PIP4P1: variants seen among roughly 807,000 people sequenced by gnomAD.
The protein encoded by PIP4P1 is phosphatidylinositol-4,5-bisphosphate 4-phosphatase 1, also known as type 1 phosphatidylinositol 4,5-bisphosphate 4-phosphatase.
Under a neutral mutation model 32.3 loss-of-function variants are expected in PIP4P1, and 14 were observed. The ratio of observed to expected loss-of-function variants is 0.43; its 90% CI spans 0.29 to 0.68. The LOEUF (loss-of-function observed/expected upper bound fraction) is 0.68, where lower values mean the gene tolerates loss of function less well. Ranked by LOEUF, PIP4P1 falls within the 30% of genes least tolerant of loss-of-function variation. The pLI is 0.15. For synonymous variants in PIP4P1, 132 were observed against 137.9 expected (o/e 0.96, Z 0.30); for missense variants, 289 against 364.5 (o/e 0.79, Z 1.69).
chr14:20,460,552 T>C lies in PIP4P1; in HGVS notation c.333+103A>G, dbSNP rs1881661935. 3.9e-6 allele frequency: 5 copies of C among 1,280,298 alleles called. 1 individual carries two copies. Among genetic ancestry groups the C allele is most frequent in the Non-Finnish European group, 5.4e-6 (5 of 926,538 alleles). 79.3% of individuals were successfully genotyped at this position (1,280,298 alleles called of 1,614,324 possible). ...ACCTGGAACTGAAACCTGGGTATCA[T>C]CAAAAGCACTTGGCTAATAGCCGGA... On this transcript the variant is annotated intron_variant, in intron 2 of 6. Transcript: ENST00000250489.
At position 20,459,288 on chromosome 14, in the gene PIP4P1, A is replaced by G. The variant is rs750883459; in HGVS notation, c.608T>C (p.Ile203Thr). 9 of 1,614,238 alleles carry G rather than the reference A, an allele frequency of 5.6e-6. No individual in the cohort carries two copies. The highest frequency in any genetic ancestry group is 2.2e-5 in the East Asian group (1 of 44,884). ...TCTCTTACGTGGGTATCTGCGCCCAATAGATGACCTGTGGGGAGGCAAATA... is the reference window on the plus strand; with the variant it reads ...TCTCTTACGTGGGTATCTGCGCCCAGTAGATGACCTGTGGGGAGGCAAATA... Reference protein sequence around the residue: ...RCPHCRKVSSIGRRYPRKRCI... With the variant: ...RCPHCRKVSSTGRRYPRKRCI... Residue 203 changes from isoleucine to threonine, a missense_variant, in exon 6 of 7, where the codon ATT (isoleucine) becomes ACT (threonine). Ile to Thr is a moderately conservative substitution (Grantham distance 89). Coordinates refer to ENST00000250489, the MANE Select transcript of PIP4P1 (RefSeq NM_144568.4).
intron 3 of PIP4P1, 176 bp downstream of exon 3, chr14:20,460,015 CA>C: frequency 1.5e-6 from 1 of 647,304 alleles, no homozygotes; most frequent in South Asian, 1.8e-5. Context: ...CATTTCATCT[CA>C]ATATTTTTAT....
chr14:20,459,179 GAA>G, intron 6 of PIP4P1, 25 bp downstream of exon 6: 3 of 1,612,024 alleles, frequency 1.9e-6, no homozygotes, highest in African/African-American at 1.3e-5. Context: ...GCTGCAGAAT[GAA>G]AGAGGTTGGG....
chr14:20,458,839 C>A, intron 6 of PIP4P1, 137 bp from the exon 7 acceptor site: 1 of 1,124,212 alleles, frequency 8.9e-7, no homozygotes, highest in South Asian at 1.6e-5. Context: ...CCCTCAGGGA[C>A]CTTCTTAAAG....
chr14:20,458,694 T>C lies in PIP4P1; in HGVS notation c.699A>G (p.Thr233=), dbSNP rs1313431612. The C allele has an allele frequency of 1.2e-6, 2 of 1,611,554 alleles. No homozygotes were observed. Among genetic ancestry groups the C allele is most frequent in the Non-Finnish European group, 1.7e-6 (2 of 1,179,130 alleles). ...AVTATGLAFG[T]WKHARRYGGI... is the part of the protein sequence containing the mutation. ...CTCCATATCGCCGTGCATGCTTCCA[T>C]GTGCCAAACTGATGAAGATAAGGAG... The change falls in exon 7 of 7, where the codon ACA becomes ACG. Residue 233 remains threonine, a synonymous_variant. Coordinates refer to ENST00000250489, the MANE Select transcript of PIP4P1 (RefSeq NM_144568.4).
At position 20,460,819 on chromosome 14, in the gene PIP4P1, G is replaced by C; in HGVS notation, c.169C>G (p.Pro57Ala). Residue 57 changes from proline (P) to alanine (A), a missense_variant, in exon 2 of 7, where the codon CCA becomes GCA. Pro to Ala is a conservative substitution (Grantham distance 27). Transcript: ENST00000250489. ...AAFPPFPEGH[P>A]AVLPGEDPPP... ...GGGTCCTCCCCAGGCAACACGGCTG[G>C]ATGCCCCTCGGGAAACGGGGGAAAT... 6.4e-7 allele frequency: 1 copy of C among 1,569,124 alleles called. No homozygotes were observed. Among genetic ancestry groups the C allele is most frequent in the South Asian group, 1.2e-5 (1 of 84,016 alleles).
chr14:20,459,780 A>G (rs992791217), intron 3 of PIP4P1, 47 bp from the exon 4 acceptor site: 2 of 1,517,540 alleles, frequency 1.3e-6, no homozygotes, highest in South Asian at 1.1e-5. Flanking sequence ...TGTTTGAAAA[A>G]TTTTTAATCC....
At chr14:20,458,845 T>TA in intron 6 of PIP4P1, 143 bp from the exon 7 acceptor site, 3 of 1,027,772 alleles carry the variant, frequency 2.9e-6, no homozygotes, top group Non-Finnish European at 4.2e-6. Context: ...GGGACCTTCT[T>TA]AAAGGCAGAG....
In PIP4P1 at chr14:20,458,366, T is replaced by C. The variant is rs1881542282; in HGVS notation, c.*193A>G. The stretch of plus-strand genomic sequence containing the variant: ...GCAACCCTTGGAGGAAAGCAGATGG[T>C]CAGCAGTGCTCTTATCTGCCCCTCC... On this transcript the variant is annotated 3_prime_UTR_variant, in exon 7 of 7. Coordinates refer to ENST00000250489, the MANE Select transcript of PIP4P1 (RefSeq NM_144568.4). 3.8e-6 allele frequency: 3 copies of C among 788,444 alleles called. No homozygotes were observed. The highest frequency in any genetic ancestry group is 6.5e-6 in the Non-Finnish European group (3 of 464,578). 48.8% of individuals were successfully genotyped at this position (788,444 alleles called of 1,614,324 possible).
In PIP4P1 at chr14:20,458,093, CAAT is replaced by C. The variant is rs1881511953; in HGVS notation, c.*463_*465del. The C allele has an allele frequency of 2.8e-6, 1 of 359,890 alleles. No individual in the cohort carries two copies. Among genetic ancestry groups the C allele is most frequent in the Non-Finnish European group, 5.5e-6 (1 of 183,046 alleles). 22.3% of individuals were successfully genotyped at this position (359,890 alleles called of 1,614,324 possible). ...CGGCTGACCCCACCCCCACAGGACA[CAAT>C]GTGGGGAGAGGAGACTGAGGGTACT... On this transcript the variant is annotated 3_prime_UTR_variant, in exon 7 of 7. Coordinates refer to ENST00000250489, the MANE Select transcript of PIP4P1 (RefSeq NM_144568.4).
chr14:20,460,431 T>C, intron 2 of PIP4P1, 133 bp from the exon 3 acceptor site: 1 of 784,964 alleles, frequency 1.3e-6, no homozygotes, highest in East Asian at 2.6e-5. Flanking sequence ...GACTATATCA[T>C]GAGATTTGCA....
At chr14:20,461,075 C>A (rs1456617256) in intron 1 of PIP4P1, 109 bp downstream of exon 1, 1 of 1,263,822 alleles carries the variant, frequency 7.9e-7, no homozygotes, top group African/African-American at 1.5e-5. Flanking sequence ...CCGCACCTGG[C>A]GACTGGGACC....
At position 20,458,712 on chromosome 14, in the gene PIP4P1, A is replaced by G. The variant is rs558227582; in HGVS notation, c.691-10T>C. The G allele has an allele frequency of 1.9e-5, 31 of 1,607,792 alleles. No individual in the cohort carries two copies. The highest frequency in any genetic ancestry group is 5.1e-5 in the Admixed American group (3 of 58,438). ...GCTTCCATGTGCCAAACTGATGAAG[A>G]TAAGGAGGGAGAAGAAAAGAAAGAT... On this transcript the variant is annotated splice_polypyrimidine_tract_variant and intron_variant, in intron 6 of 6. Transcript: ENST00000250489.
intron 6 of PIP4P1, chr14:20,458,914 G>A: frequency 1.5e-6 from 1 of 660,052 alleles, no homozygotes; most frequent in Non-Finnish European, 2.5e-6. Context: ...CTGTATCTCA[G>A]TTTTTCTTAA....
intron 3 of PIP4P1, 75 bp downstream of exon 3, chr14:20,460,117 A>G: frequency 8.9e-7 from 1 of 1,128,976 alleles, no homozygotes; most frequent in Non-Finnish European, 1.4e-6. Context: ...TCACCTTTAC[A>G]TTCTCTGTAT....
chr14:20,460,344 C>A (rs1881654860), intron 2 of PIP4P1, 46 bp from the exon 3 acceptor site: 3 of 1,380,978 alleles, frequency 2.2e-6, no homozygotes, highest in South Asian at 1.2e-5. Context: ...TAATCCCAAT[C>A]CCCTCCACTT....
At chr14:20,459,866 A>T (rs1881635585) in intron 3 of PIP4P1, 133 bp from the exon 4 acceptor site, 12 of 687,012 alleles carry the variant, frequency 1.7e-5, no homozygotes. Context: ...TGTACTTAAG[A>T]TACTCTGTCC....
intron 6 of PIP4P1, 90 bp from the exon 7 acceptor site, chr14:20,458,792 C>CA: frequency 6.7e-7 from 1 of 1,490,376 alleles, no homozygotes; most frequent in Non-Finnish European, 9.0e-7. Flanking sequence ...AGTAATAACT[C>CA]ACGCTTCAGT....
chr14:20,461,072 T>C (rs909673925), intron 1 of PIP4P1, 112 bp downstream of exon 1: 58 of 1,266,900 alleles, frequency 4.6e-5, no homozygotes, highest in Non-Finnish European at 5.7e-5. Context: ...GTCCCGCACC[T>C]GGCGACTGGG....
Sources: allele counts gnomAD v4.1 joint callset, GRCh38; gene constraint gnomAD v4.1.1; transcripts MANE v1.5; gene names NCBI Gene and HGNC (gene_info 2026-07-23, HGNC 2026-07-21).